PDE4D: variants seen among roughly 807,000 people sequenced by gnomAD.
PDE4D encodes phosphodiesterase 4D.
PDE4D carries 24 observed loss-of-function variants against 87.4 expected under a neutral mutation model. The observed-to-expected ratio is 0.27, with a 90% CI of 0.20 to 0.39. The LOEUF (loss-of-function observed/expected upper bound fraction) is 0.39, where lower values mean the gene tolerates loss of function less well. Ranked by LOEUF, PDE4D falls within the 10% of genes least tolerant of loss-of-function variation. The probability of loss-of-function intolerance (pLI) is 1.00; values close to 1 mark genes in which losing one functional copy is unlikely to be tolerated. For missense variants in PDE4D, 714 were observed against 1,041.0 expected (o/e 0.69, Z 4.32); for synonymous variants, 384 against 383.2 (o/e 1.00, Z -0.02).
intron 1 of PDE4D, among the ~76,000 whole-genome samples, chr5:60,385,578 T>C (rs941560296): frequency 6.6e-6 from 1 of 152,240 alleles, no homozygotes; most frequent in Non-Finnish European, 1.5e-5. Flanking sequence ...AAGGCTCTCA[T>C]AAAATCCAAG....
intron 1 of PDE4D, among the ~76,000 whole-genome samples, chr5:59,475,000 A>G (rs929970044): frequency 6.6e-5 from 10 of 152,180 alleles, no homozygotes; most frequent in African/African-American, 2.4e-4. Context: ...GCATGAACCA[A>G]TATAATTTTG....
chr5:60,434,850 C>T (rs1031416890), intron 1 of PDE4D, among the ~76,000 whole-genome samples: 1 of 151,866 alleles, frequency 6.6e-6, no homozygotes, highest in African/African-American at 2.4e-5. Flanking sequence ...GTCTGTATGT[C>T]AAATTAAGAG....
At chr5:59,080,029 T>C (rs1010071518) in intron 5 of PDE4D, among the ~76,000 whole-genome samples, 1 of 152,048 alleles carries the variant, frequency 6.6e-6, no homozygotes, top group African/African-American at 2.4e-5. Context: ...ACATGACACA[T>C]AGAAAAGGGT....
At chr5:59,363,976 A>G (rs1157931081) in intron 1 of PDE4D, among the ~76,000 whole-genome samples, 1 of 152,210 alleles carries the variant, frequency 6.6e-6, no homozygotes, top group African/African-American at 2.4e-5. Flanking sequence ...AATATTCTAC[A>G]TAGGAGAAAA....
intron 1 of PDE4D, among the ~76,000 whole-genome samples, chr5:60,514,783 G>C (rs979436328): frequency 6.6e-6 from 1 of 151,868 alleles, no homozygotes; most frequent in Non-Finnish European, 1.5e-5. Flanking sequence ...AATCAGGAAT[G>C]AGAAAAAAAT....
chr5:59,134,757 C>T (rs1235960745), intron 5 of PDE4D, among the ~76,000 whole-genome samples: 1 of 152,176 alleles, frequency 6.6e-6, no homozygotes, highest in Non-Finnish European at 1.5e-5. Context: ...ATATATATGA[C>T]CCTTTCTCAT....
At chr5:59,277,310 C>T (rs958716686) in intron 1 of PDE4D, among the ~76,000 whole-genome samples, 1 of 152,166 alleles carries the variant, frequency 6.6e-6, no homozygotes, top group Non-Finnish European at 1.5e-5. Flanking sequence ...AAATTGCTTT[C>T]CACATAGTTA....
At chr5:59,332,044 A>ATAAGTATCT (rs1393450344) in intron 1 of PDE4D, among the ~76,000 whole-genome samples, 6 of 152,210 alleles carry the variant, frequency 3.9e-5, no homozygotes, top group African/African-American at 1.2e-4. Context: ...AGTATCTATG[A>ATAAGTATCT]ATAGAGAGCT....
intron 1 of PDE4D, among the ~76,000 whole-genome samples, chr5:59,568,046 T>C (rs554384522): frequency 1.3e-5 from 2 of 152,172 alleles, no homozygotes; most frequent in African/African-American, 4.8e-5. Context: ...CATTTTCCAA[T>C]GAAAGGAACG....
chr5:60,004,922 T>C (rs906561532), intron 2 of PDE4D, among the ~76,000 whole-genome samples: 3 of 152,080 alleles, frequency 2.0e-5, no homozygotes, highest in African/African-American at 7.2e-5. Context: ...AAAATAGAGA[T>C]ACCATATGAT....
chr5:59,392,798 A>G (rs1788512200), intron 1 of PDE4D, among the ~76,000 whole-genome samples: 1 of 152,122 alleles, frequency 6.6e-6, no homozygotes, highest in Non-Finnish European at 1.5e-5. Context: ...ACCTGCTGGA[A>G]GAGTCCTGAA....
intron 5 of PDE4D, among the ~76,000 whole-genome samples, chr5:59,133,742 T>C (rs1776613671): frequency 6.6e-6 from 1 of 152,080 alleles, no homozygotes; most frequent in African/African-American, 2.4e-5. Flanking sequence ...TCCCCATCCT[T>C]GCGGGCTTAG....
At chr5:60,181,135 G>T (rs1340209923) in intron 2 of PDE4D, among the ~76,000 whole-genome samples, 1 of 152,058 alleles carries the variant, frequency 6.6e-6, no homozygotes, top group Non-Finnish European at 1.5e-5. Context: ...TTTTTTGGCT[G>T]CCCACTCCAG....
intron 1 of PDE4D, among the ~76,000 whole-genome samples, chr5:59,858,717 A>T (rs1243494632): frequency 2.6e-5 from 4 of 152,144 alleles, no homozygotes. Context: ...AAAATAATAA[A>T]TAATTTCTTG....
At chr5:59,681,544 G>A (rs748100599) in intron 1 of PDE4D, among the ~76,000 whole-genome samples, 9 of 152,130 alleles carry the variant, frequency 5.9e-5, no homozygotes, top group African/African-American at 1.7e-4. Context: ...ATTAGATCAT[G>A]AGAGCATTCC....
chr5:60,135,031 A>G (rs1297064701), intron 2 of PDE4D, among the ~76,000 whole-genome samples: 1 of 152,200 alleles, frequency 6.6e-6, no homozygotes, highest in African/African-American at 2.4e-5. Flanking sequence ...TGAAAAACAA[A>G]TAAGACCTTG....
chr5:59,088,466 ATATAAATCATTCTAT>A (rs1022165250), intron 5 of PDE4D, among the ~76,000 whole-genome samples: 12 of 152,334 alleles, frequency 7.9e-5, no homozygotes, highest in African/African-American at 2.9e-4. Flanking sequence ...GCCCAAAGGA[ATATAAATCATTCTAT>A]TATAAAGACA....
intron 2 of PDE4D, among the ~76,000 whole-genome samples, chr5:60,095,178 T>C (rs1250562258): frequency 6.6e-6 from 1 of 152,148 alleles, no homozygotes; most frequent in Non-Finnish European, 1.5e-5. Context: ...TAGGTATTTC[T>C]CCTAATGTTA....
At chr5:60,094,814 T>A (rs770572899) in intron 2 of PDE4D, among the ~76,000 whole-genome samples, 21 of 152,048 alleles carry the variant, frequency 1.4e-4, no homozygotes, top group Non-Finnish European at 2.9e-4. Context: ...AGGCAATACA[T>A]ACATTTCTCT....
Sources: gnomAD v4.1 joint callset for allele counts (sites outside exome capture counted in the v4.1 genomes callset) on GRCh38, gnomAD v4.1.1 for gene constraint, MANE v1.5 for transcripts, NCBI Gene and HGNC (gene_info 2026-07-23, HGNC 2026-07-21) for gene names.